Variants in RNF19B observed in about 807,000 individuals in gnomAD.
RNF19B encodes the protein E3 ubiquitin-protein ligase RNF19B.
RNF19B carries 23 observed loss-of-function variants against 65.5 expected under a neutral mutation model. The observed-to-expected ratio is 0.35, with a 90% CI of 0.25 to 0.50. The LOEUF (loss-of-function observed/expected upper bound fraction) is 0.50. RNF19B is among the 20% of genes least tolerant of loss of function. RNF19B has a pLI of 0.98. For synonymous variants in RNF19B, 372 were observed against 379.6 expected (o/e 0.98, Z 0.23); for missense variants, 794 against 980.0 (o/e 0.81, Z 2.53).
At chr1:32,947,047 T>C (rs918916821) in intron 3 of RNF19B, among the ~76,000 whole-genome samples, 62 of 152,214 alleles carry the variant, frequency 4.1e-4, no homozygotes, top group Admixed American at 4.0e-3. Flanking sequence ...AACCTTTCTA[T>C]CAGTTTGGTA....
At chr1:32,948,063 G>A (rs1642409190) in intron 3 of RNF19B, among the ~76,000 whole-genome samples, 159 bp downstream of exon 3, 1 of 152,180 alleles carries the variant, frequency 6.6e-6, no homozygotes, top group Non-Finnish European at 1.5e-5. Flanking sequence ...AAACAGAATA[G>A]TAGCTGGTGA....
intron 7 of RNF19B, 89 bp from the exon 8 acceptor site, chr1:32,938,617 C>A: frequency 7.3e-7 from 1 of 1,368,446 alleles, no homozygotes; most frequent in East Asian, 2.3e-5. Flanking sequence ...CCATTACTCT[C>A]TTGCAAATTG....
chr1:32,943,579 G>A (rs1226833916), intron 6 of RNF19B, among the ~76,000 whole-genome samples: 20 of 151,412 alleles, frequency 1.3e-4, no homozygotes, highest in Admixed American at 1.2e-3. Context: ...TCGCGACATC[G>A]TACTCCAGCC....
At chr1:32,943,513 G>C (rs1274038490) in intron 6 of RNF19B, among the ~76,000 whole-genome samples, 1 of 152,088 alleles carries the variant, frequency 6.6e-6, no homozygotes, top group Non-Finnish European at 1.5e-5. Context: ...CTACTCAGGA[G>C]GCTGAGGCAG....
intron 1 of RNF19B, 71 bp from the exon 2 acceptor site, chr1:32,949,845 G>C: frequency 8.1e-7 from 1 of 1,241,440 alleles, no homozygotes; most frequent in Admixed American, 1.8e-5. Flanking sequence ...TTATTCATCA[G>C]AGTTAACAAT....
At position 32,936,544 on chromosome 1, in the gene RNF19B, C is replaced by T. The variant is rs1642101725; in HGVS notation, c.*262G>A. 1.0e-5 allele frequency: 4 copies of T among 397,366 alleles called. No homozygotes were observed. Among genetic ancestry groups the T allele is most frequent in the Non-Finnish European group, 1.8e-5 (4 of 220,928 alleles). The allele number at this position is 397,366 out of a possible 1,614,324, so 24.6% of individuals were successfully genotyped here. A position where few individuals can be genotyped will look rare whatever the true frequency, so the allele number is the denominator to read the frequency against. Reference sequence around the variant, plus strand: ...TACATATGTACACTCTTTGACACACCTCATGGATTGCTGCCATCAGTTTAA... The same window carrying T: ...TACATATGTACACTCTTTGACACACTTCATGGATTGCTGCCATCAGTTTAA... On this transcript the variant is annotated 3_prime_UTR_variant, in exon 9 of 9. Coordinates refer to ENST00000235150, the MANE Select transcript of RNF19B (RefSeq NM_001300826.2).
Position 32,945,515 on chromosome 1 carries a change from A to T in RNF19B, c.1260T>A (p.Val420=). 6.3e-7 allele frequency: 1 copy of T among 1,598,020 alleles called. No individual in the cohort carries two copies. The highest frequency in any genetic ancestry group is 8.6e-7 in the Non-Finnish European group (1 of 1,165,326). ...GAGGTGTGGTCCTGACTAGCTTACC[A>T]ACACTAACTGCAGCAATAACTGGGG... ...IASPVIAAVS[V]GIGVPIMLAY... is the part of the protein sequence containing the mutation. Residue 420 remains valine, a splice_region_variant and synonymous_variant, in exon 5 of 9, where the codon GTT becomes GTA. Transcript: ENST00000235150.
intron 1 of RNF19B, 131 bp downstream of exon 1, chr1:32,963,920 G>C (rs1476065315): frequency 7.5e-7 from 1 of 1,333,284 alleles, no homozygotes; most frequent in Non-Finnish European, 9.6e-7. Flanking sequence ...CTTGCCTGAT[G>C]GTTACCACCC....
In RNF19B at chr1:32,944,125, A is replaced by G. The variant is rs778182978; in HGVS notation, c.1296T>C (p.Tyr432=). 2 of 1,613,994 alleles carry G rather than the reference A, an allele frequency of 1.2e-6. No individual in the cohort carries two copies. The highest frequency in any genetic ancestry group is 1.1e-5 in the South Asian group (1 of 91,042). The change falls in exon 6 of 9, where the codon TAT becomes TAC. Residue 432 remains tyrosine (Y), a synonymous_variant. Coordinates refer to ENST00000235150, the MANE Select transcript of RNF19B (RefSeq NM_001300826.2). ...IGVPIMLAYV[Y]GVVPISLCRG... ...GACAAAGAGAAATGGGCACAACCCC[A>G]TAAACATATGCCAGCATAATGGGGA...
intron 1 of RNF19B, among the ~76,000 whole-genome samples, chr1:32,953,694 A>G (rs1027294629): frequency 6.6e-6 from 1 of 152,040 alleles, no homozygotes; most frequent in African/African-American, 2.4e-5. Context: ...TACTAAAGAT[A>G]AACAACGTGT....
At chr1:32,950,028 G>A (rs767561126) in intron 1 of RNF19B, among the ~76,000 whole-genome samples, 6 of 151,936 alleles carry the variant, frequency 3.9e-5, no homozygotes, top group Non-Finnish European at 7.4e-5. Flanking sequence ...GGAGTGCAGT[G>A]GTGTAATCTC....
chr1:32,947,291 AAC>A (rs563065775), intron 3 of RNF19B, among the ~76,000 whole-genome samples: 5 of 152,260 alleles, frequency 3.3e-5, no homozygotes, highest in Non-Finnish European at 7.3e-5. Flanking sequence ...TGTAAATATT[AAC>A]ACATTTTGTT....
chr1:32,935,660 CTA>C (rs566890688), downstream of RNF19B, among the ~76,000 whole-genome samples: 222 of 152,290 alleles, frequency 1.5e-3, 1 homozygote, highest in African/African-American at 5.1e-3. Context: ...CAGCAAACAC[CTA>C]TGTCATTGCT....
chr1:32,948,956 T>C (rs1230454055), intron 2 of RNF19B, among the ~76,000 whole-genome samples: 1 of 152,204 alleles, frequency 6.6e-6, no homozygotes, highest in Non-Finnish European at 1.5e-5. Flanking sequence ...TAGGAAATTA[T>C]GCTGTGCCAG....
At chr1:32,930,389 T>C in the RNF19B span, among the ~76,000 whole-genome samples, 1 of 144,832 alleles carries the variant, frequency 6.9e-6, no homozygotes, top group Non-Finnish European at 1.5e-5. Context: ...GGATTACAGG[T>C]ATGAGCCACC....
chr1:32,936,335 C>T (rs1289800158), downstream of RNF19B: 1 of 153,106 alleles, frequency 6.5e-6, no homozygotes, highest in Non-Finnish European at 1.5e-5. Flanking sequence ...GATTTGAATA[C>T]AATCCTTCTT....
Position 32,964,792 on chromosome 1 carries a change from A to G in RNF19B, c.-107T>C. On this transcript the variant is annotated 5_prime_UTR_variant, in exon 1 of 9. Transcript: ENST00000235150. The surrounding 1 kb of genome is among the most constrained non-coding windows in gnomAD (Gnocchi z 6.5). ...CCGCCGACGCCGCCACCACCGCCTC[A>G]ACCGCCCTCCCGGCGATAGAAGCCG... 9.3e-7 allele frequency: 1 copy of G among 1,079,278 alleles called. No individual in the cohort carries two copies. The highest frequency in any genetic ancestry group is 1.2e-6 in the Non-Finnish European group (1 of 833,906). 66.9% of individuals were successfully genotyped at this position (1,079,278 alleles called of 1,614,324 possible).
At chr1:32,963,294 C>G (rs182175400) in intron 1 of RNF19B, among the ~76,000 whole-genome samples, 4 of 152,162 alleles carry the variant, frequency 2.6e-5, no homozygotes, top group Non-Finnish European at 5.9e-5. Flanking sequence ...TCAGGGAGAA[C>G]ACGCCTTCTT....
At position 32,943,955 on chromosome 1, in the gene RNF19B, A is replaced by T. The variant is rs547048379; in HGVS notation, c.1402+64T>A. On this transcript the variant is annotated intron_variant, in intron 6 of 8. Coordinates refer to ENST00000235150, the MANE Select transcript of RNF19B (RefSeq NM_001300826.2). ...GACAATCTCCCTGTAAAATGCGCTG[A>T]ATTTTACTGATTTTTATCTTGTATA... The T allele has an allele frequency of 5.5e-5, 83 of 1,511,750 alleles. 1 individual carries two copies. The South Asian group carries it at 9.7e-4, about 18-fold the overall frequency. The allele number at this position is 1,511,750 out of a possible 1,614,324, so 93.6% of individuals were successfully genotyped here.
Sources: gnomAD v4.1 joint callset for allele counts (sites outside exome capture counted in the v4.1 genomes callset) on GRCh38, gnomAD v4.1.1 for gene constraint, Gnocchi (gnomAD v3.1) non-coding constraint, MANE v1.5 for transcripts, NCBI Gene and HGNC (gene_info 2026-07-23, HGNC 2026-07-21) for gene names.